Variants in RPAP2 observed in about 807,000 individuals in gnomAD.
RPAP2 encodes the protein RNA polymerase II associated protein 2.
Under a neutral mutation model 73.1 loss-of-function variants are expected in RPAP2, and 52 were observed. The ratio of observed to expected loss-of-function variants is 0.71; its 90% CI spans 0.57 to 0.90. The LOEUF (loss-of-function observed/expected upper bound fraction) is 0.90. RPAP2 is among the 40% of genes least tolerant of loss of function. The pLI is 0.00. For missense variants in RPAP2, 598 were observed against 701.8 expected (o/e 0.85, Z 1.67); for synonymous variants, 225 against 242.1 (o/e 0.93, Z 0.65).
At chr1:92,307,090 T>A in intron 5 of RPAP2, 98 bp from the exon 6 acceptor site, 2 of 830,338 alleles carry the variant, frequency 2.4e-6, no homozygotes, top group Non-Finnish European at 3.7e-6. Flanking sequence ...GGTTTCCATT[T>A]TATTCTTTGA....
chr1:92,362,090 C>T (rs904344290), intron 11 of RPAP2, among the ~76,000 whole-genome samples: 3 of 152,104 alleles, frequency 2.0e-5, no homozygotes, highest in African/African-American at 7.2e-5. Flanking sequence ...ACTAGTTTTA[C>T]TGAATGTATT....
intron 6 of RPAP2, among the ~76,000 whole-genome samples, chr1:92,312,858 G>A (rs1276520353): frequency 1.4e-5 from 2 of 146,296 alleles, no homozygotes; most frequent in African/African-American, 2.6e-5. Flanking sequence ...GTCTCACTCT[G>A]TCACCCAGGC....
chr1:92,377,157 A>G (rs1227314583), intron 11 of RPAP2, among the ~76,000 whole-genome samples: 1 of 152,196 alleles, frequency 6.6e-6, no homozygotes, highest in Non-Finnish European at 1.5e-5. Flanking sequence ...TTTTATAGAT[A>G]GACCCTAAGG....
Position 92,363,029 on chromosome 1 carries a change from T to C in RPAP2, c.1688+17115T>C, listed in dbSNP as rs570485841. On this transcript the variant is annotated intron_variant, in intron 11 of 12. Transcript: ENST00000610020. ...ATACATTGAGATAGAAGGTTATACA[T>C]TGAAAGTAGGAGTAAAATCTATACT... Among the ~76,000 whole-genome samples, 174 of 152,258 alleles carry C rather than the reference T, an allele frequency of 1.1e-3. 1 individual carries two copies. The highest frequency in any genetic ancestry group is 3.3e-3 in the South Asian group (16 of 4,822).
chr1:92,302,078 C>G (rs1203233146), intron 3 of RPAP2, among the ~76,000 whole-genome samples: 1 of 152,042 alleles, frequency 6.6e-6, no homozygotes. Context: ...GTCAGGAGTT[C>G]GAGACCAGCC....
At chr1:92,338,758 C>G (rs1165804391) in intron 10 of RPAP2, among the ~76,000 whole-genome samples, 2 of 151,426 alleles carry the variant, frequency 1.3e-5, no homozygotes, top group African/African-American at 4.9e-5. Context: ...CAAGCCGCAG[C>G]CTGGCTAATT....
At chr1:92,322,760 C>T (rs984519581) in intron 7 of RPAP2, among the ~76,000 whole-genome samples, 1 of 151,378 alleles carries the variant, frequency 6.6e-6, no homozygotes, top group Non-Finnish European at 1.5e-5. Context: ...ACGTGTAATC[C>T]CAGCTACTTG....
At chr1:92,372,724 G>A (rs906370724) in intron 11 of RPAP2, among the ~76,000 whole-genome samples, 4 of 152,050 alleles carry the variant, frequency 2.6e-5, no homozygotes, top group African/African-American at 9.7e-5. Flanking sequence ...GACCACCCTG[G>A]GCAATATAGC....
At chr1:92,299,542 T>C (rs1218262510) in intron 1 of RPAP2, among the ~76,000 whole-genome samples, 1 of 152,032 alleles carries the variant, frequency 6.6e-6, no homozygotes, top group Non-Finnish European at 1.5e-5. Flanking sequence ...GGTGCCGGAC[T>C]CCCCTCTTCC....
At chr1:92,327,550 A>T (rs753108793) in intron 8 of RPAP2, among the ~76,000 whole-genome samples, 1 of 152,154 alleles carries the variant, frequency 6.6e-6, no homozygotes, top group African/African-American at 2.4e-5. Context: ...GTGAATCCTT[A>T]TGTGTCAGGT....
intron 11 of RPAP2, among the ~76,000 whole-genome samples, chr1:92,380,040 G>GC (rs1256702349): frequency 1.2e-5 from 1 of 85,594 alleles, no homozygotes; most frequent in African/African-American, 2.9e-5. Flanking sequence ...CTGGTGGATC[G>GC]CCTGAGGCTG....
At chr1:92,340,771 A>G (rs775244962) in intron 10 of RPAP2, among the ~76,000 whole-genome samples, 6 of 152,152 alleles carry the variant, frequency 3.9e-5, no homozygotes, top group Admixed American at 1.3e-4. Context: ...TTTCCACTGA[A>G]TTGCATTACA....
At position 92,323,532 on chromosome 1, in the gene RPAP2, T is replaced by C. The variant is rs775202686; in HGVS notation, c.612T>C (p.Tyr204=). 8 of 1,613,796 alleles carry C rather than the reference T, an allele frequency of 5.0e-6. 1 individual carries two copies. The South Asian group carries it at 7.7e-5, about 16-fold the overall frequency. Residue 204 remains tyrosine, a synonymous_variant, in exon 8 of 13, where the codon TAT becomes TAC. Transcript: ENST00000610020. ...IDNPSHFEKQ[Y]ESSSSSTHSD... is the part of the protein sequence containing the mutation. Reference sequence around the variant, plus strand: ...ATCCTAGCCACTTTGAAAAGCAATATGAATCTAGTTCTTCTAGCACTCACA... The same window carrying C: ...ATCCTAGCCACTTTGAAAAGCAATACGAATCTAGTTCTTCTAGCACTCACA...
At chr1:92,356,505 G>T (rs751595504) in intron 11 of RPAP2, among the ~76,000 whole-genome samples, 1 of 150,528 alleles carries the variant, frequency 6.6e-6, no homozygotes, top group South Asian at 2.1e-4. Flanking sequence ...TGCAACCTCC[G>T]CCTCCTGGGT....
intron 8 of RPAP2, among the ~76,000 whole-genome samples, chr1:92,325,759 ATAT>A (rs977528561): frequency 6.6e-6 from 1 of 151,994 alleles, no homozygotes; most frequent in Non-Finnish European, 1.5e-5. Flanking sequence ...TCCAAAATTA[ATAT>A]TATATTAGCA....
chr1:92,360,132 G>A (rs1227723599), intron 11 of RPAP2, among the ~76,000 whole-genome samples: 1 of 152,202 alleles, frequency 6.6e-6, no homozygotes, highest in Non-Finnish European at 1.5e-5. Flanking sequence ...ACTGCAGTGT[G>A]CCTCAGACAG....
chr1:92,345,273 G>T (rs1453014000), intron 10 of RPAP2, among the ~76,000 whole-genome samples: 1 of 151,394 alleles, frequency 6.6e-6, no homozygotes, highest in Non-Finnish European at 1.5e-5. Context: ...GGCTGAGTCA[G>T]GAGGATCTCT....
chr1:92,312,927 G>A (rs1192848592), intron 6 of RPAP2, among the ~76,000 whole-genome samples: 3 of 151,756 alleles, frequency 2.0e-5, no homozygotes, highest in Non-Finnish European at 4.4e-5. Context: ...GTTCAGTGGC[G>A]AAATCTCAGC....
rs1224785837 is a variant in RPAP2 at position 92,300,079 on chromosome 1, A to G, written c.74-115A>G. 10 of 692,736 alleles carry G rather than the reference A, an allele frequency of 1.4e-5. No homozygotes were observed. In the African/African-American group the frequency reaches 1.8e-4, roughly 13 times the overall value. 42.9% of individuals were successfully genotyped at this position (692,736 alleles called of 1,614,324 possible). A position where few individuals can be genotyped will look rare whatever the true frequency, so the allele number is the denominator to read the frequency against. On this transcript the variant is annotated intron_variant, in intron 1 of 12. Coordinates refer to ENST00000610020, the MANE Select transcript of RPAP2 (RefSeq NM_024813.3). ...ACTGTAGGCAACTGTATATCTAAACATAGAAAAGGTACAGTAAAAATACAG... is the reference window on the plus strand; with the variant it reads ...ACTGTAGGCAACTGTATATCTAAACGTAGAAAAGGTACAGTAAAAATACAG...
Sources: gnomAD v4.1 joint callset for allele counts (sites outside exome capture counted in the v4.1 genomes callset) on GRCh38, gnomAD v4.1.1 for gene constraint, MANE v1.5 for transcripts, NCBI Gene and HGNC (gene_info 2026-07-23, HGNC 2026-07-21) for gene names.